Variants in RPA3 observed in about 807,000 individuals in gnomAD.
RPA3 encodes the protein replication protein A 14 kDa subunit.
Under a neutral mutation model 13.7 loss-of-function variants are expected in RPA3, and 24 were observed. That is an observed-to-expected ratio of 1.75 (90% CI 1.27 to 2.46). The LOEUF is 2.46. Among genes scored for constraint, RPA3 ranks in the 30% most tolerant of loss-of-function variants. RPA3 has a pLI of 0.00. For synonymous variants in RPA3, 59 were observed against 51.2 expected, an observed-to-expected ratio of 1.15 and a Z score of -0.65; for missense variants, 183 against 151.0, an observed-to-expected ratio of 1.21 and a Z score of -1.11.
At chr7:7,687,201 C>CT (rs1209385275) in intron 3 of RPA3, 27 bp downstream of exon 3, 2 of 152,142 alleles carry the variant, frequency 1.3e-5, no homozygotes. Context: ...CATTTACTTG[C>CT]TGTGTGATTT....
At chr7:7,686,432 G>C (rs1158512784) in intron 3 of RPA3, among the ~76,000 whole-genome samples, 3 of 152,074 alleles carry the variant, frequency 2.0e-5, no homozygotes, top group African/African-American at 7.2e-5. Context: ...TTTTTTATCA[G>C]AAATTTATTG....
At chr7:7,678,839 A>G (rs1427626022) in intron 4 of RPA3, among the ~76,000 whole-genome samples, 3 of 25,998 alleles carry the variant, frequency 1.2e-4, no homozygotes, top group African/African-American at 5.7e-4. Flanking sequence ...ATATATTTAT[A>G]TATTTAGTTT....
At chr7:7,679,804 A>G (rs1314669355) in intron 4 of RPA3, among the ~76,000 whole-genome samples, 1 of 150,780 alleles carries the variant, frequency 6.6e-6, no homozygotes, top group East Asian at 1.9e-4. Flanking sequence ...GGCTCAAGCC[A>G]TCTTCCTGCC....
intron 4 of RPA3, among the ~76,000 whole-genome samples, chr7:7,648,181 A>G (rs1455346136): frequency 2.6e-5 from 4 of 152,110 alleles, no homozygotes; most frequent in African/African-American, 9.7e-5. Context: ...AAATCAGGAG[A>G]TTTCCATTAG....
intron 1 of RPA3, among the ~76,000 whole-genome samples, chr7:7,716,445 C>T (rs956380382): frequency 6.6e-6 from 1 of 152,332 alleles, no homozygotes; most frequent in Middle Eastern, 3.4e-3. Context: ...CCTGAAAGAT[C>T]GAGCTGCAGA....
chr7:7,687,562 T>C (rs1335666981), intron 2 of RPA3, among the ~76,000 whole-genome samples: 1 of 152,324 alleles, frequency 6.6e-6, no homozygotes, highest in South Asian at 2.1e-4. Context: ...ATATGATCAG[T>C]CCACCAGAAA....
intron 4 of RPA3, among the ~76,000 whole-genome samples, chr7:7,653,762 C>T (rs531770427): frequency 6.6e-6 from 1 of 152,176 alleles, no homozygotes; most frequent in Non-Finnish European, 1.5e-5. Context: ...TGTCTTGGTT[C>T]TCCACCAGGG....
intron 2 of RPA3, among the ~76,000 whole-genome samples, chr7:7,713,374 A>G (rs1238220936): frequency 6.6e-6 from 1 of 151,628 alleles, no homozygotes; most frequent in Non-Finnish European, 1.5e-5. Flanking sequence ...CAAACAAACA[A>G]ACAAATCTAA....
chr7:7,698,829 T>C (rs1045594751), intron 2 of RPA3, among the ~76,000 whole-genome samples: 2 of 152,014 alleles, frequency 1.3e-5, no homozygotes, highest in Non-Finnish European at 2.9e-5. Context: ...ACCATGACAT[T>C]TCTGGCTGTG....
chr7:7,689,856 A>G lies in RPA3; in HGVS notation c.-1027-2528T>C, dbSNP rs985996268. ...TATTGCTGGTACCAAGGGAGACCAT[A>G]TTACTGCTACAAAGCAGCTAGTGAT... is the stretch of plus-strand genomic sequence containing the variant. On this transcript the variant is annotated intron_variant, in intron 2 of 7. Transcript: ENST00000223129. Among the ~76,000 whole-genome samples the G allele has an allele frequency of 2.0e-5, 3 of 152,210 alleles. No homozygotes were observed. In the East Asian group the frequency reaches 5.8e-4, roughly 29 times the overall value.
At chr7:7,665,017 A>T (rs59693264) in intron 4 of RPA3, among the ~76,000 whole-genome samples, 29,210 of 151,742 alleles carry the variant, frequency 0.19, 2,970 homozygotes, top group Middle Eastern at 0.24. Context: ...ATATATATAC[A>T]CACACACACA....
At chr7:7,692,481 A>T (rs1309730074) in intron 2 of RPA3, 1 of 152,244 alleles carries the variant, frequency 6.6e-6, no homozygotes, top group Non-Finnish European at 1.5e-5. Context: ...GGAAATTTAT[A>T]TTCATACAGT....
chr7:7,663,471 A>G (rs994323985), intron 4 of RPA3, among the ~76,000 whole-genome samples: 2 of 152,160 alleles, frequency 1.3e-5, no homozygotes, highest in African/African-American at 2.4e-5. Context: ...CATTACACCA[A>G]TATCAAAAAC....
chr7:7,714,878 A>G (rs1335107358), intron 2 of RPA3, among the ~76,000 whole-genome samples: 3 of 126,368 alleles, frequency 2.4e-5, no homozygotes, highest in African/African-American at 9.1e-5. Flanking sequence ...TTTTTAGTTG[A>G]TAGTAACACT....
At chr7:7,658,296 C>T (rs922854351) in intron 4 of RPA3, among the ~76,000 whole-genome samples, 1 of 152,188 alleles carries the variant, frequency 6.6e-6, no homozygotes, top group African/African-American at 2.4e-5. Flanking sequence ...TTCGAATACC[C>T]CTTATTTCTT....
chr7:7,703,857 G>A (rs1355899608), intron 2 of RPA3, among the ~76,000 whole-genome samples: 1 of 152,064 alleles, frequency 6.6e-6, no homozygotes, highest in African/African-American at 2.4e-5. Flanking sequence ...TAGGAGGATT[G>A]CTTGAGCCTG....
chr7:7,714,221 C>G (rs1393725399), intron 2 of RPA3, among the ~76,000 whole-genome samples: 1 of 152,184 alleles, frequency 6.6e-6, no homozygotes, highest in Non-Finnish European at 1.5e-5. Flanking sequence ...TAACTGACCT[C>G]CACTTATATG....
chr7:7,665,232 A>T (rs1392729117), intron 4 of RPA3, among the ~76,000 whole-genome samples: 1 of 152,190 alleles, frequency 6.6e-6, no homozygotes, highest in Non-Finnish European at 1.5e-5. Context: ...GTAATAGGAA[A>T]AAAGAAATAT....
Position 7,640,301 on chromosome 7 carries a change from T to C in RPA3, c.99+19A>G, listed in dbSNP as rs532325500. 67 of 1,613,638 alleles carry C rather than the reference T, an allele frequency of 4.2e-5. No individual in the cohort carries two copies. The highest frequency in any genetic ancestry group is 2.1e-4 in the African/African-American group (16 of 75,018). ...CTCCAGCTACGGACTTGGGAGCCCA[T>C]GATTGCGAACCCGCACACCTTTTCC... On this transcript the variant is annotated intron_variant, in intron 5 of 7. Transcript: ENST00000223129.
Sources: gnomAD v4.1 joint callset for allele counts (sites outside exome capture counted in the v4.1 genomes callset) on GRCh38, gnomAD v4.1.1 for gene constraint, MANE v1.5 for transcripts, NCBI Gene and HGNC (gene_info 2026-07-23, HGNC 2026-07-21) for gene names.